SNTG2: variants seen among roughly 807,000 people sequenced by gnomAD.
SNTG2 encodes the protein syntrophin gamma 2.
SNTG2 carries 74 observed loss-of-function variants against 70.9 expected under a neutral mutation model. The observed-to-expected ratio is 1.04, with a 90% CI of 0.86 to 1.27. SNTG2 has a LOEUF of 1.27. Ranked by LOEUF, SNTG2 falls within the 50% of genes most tolerant of loss-of-function variation. SNTG2 has a pLI of 0.00. For missense variants in SNTG2, 717 were observed against 690.7 expected (o/e 1.04, Z -0.43); for synonymous variants, 278 against 273.8 (o/e 1.02, Z -0.15).
intron 1 of SNTG2, among the ~76,000 whole-genome samples, chr2:1,063,865 G>T (rs565321964): frequency 6.6e-6 from 1 of 152,268 alleles, no homozygotes; most frequent in East Asian, 1.9e-4. Flanking sequence ...GAACAGAAGG[G>T]ATATTTGAAC....
At chr2:1,169,318 C>T (rs1342373016) in intron 7 of SNTG2, among the ~76,000 whole-genome samples, 2 of 152,042 alleles carry the variant, frequency 1.3e-5, no homozygotes, top group Non-Finnish European at 2.9e-5. Flanking sequence ...AGGCAGAGGA[C>T]ACTCACCCTG....
At chr2:1,155,186 A>ACACACACG (rs1558465411) in intron 6 of SNTG2, among the ~76,000 whole-genome samples, 2 of 148,676 alleles carry the variant, frequency 1.3e-5, no homozygotes, top group East Asian at 2.0e-4. Context: ...CCCCACACAC[A>ACACACACG]TATATAGACC....
chr2:1,361,837 G>A (rs10200213), intron 16 of SNTG2, among the ~76,000 whole-genome samples: 2 of 55,286 alleles, frequency 3.6e-5, no homozygotes, highest in Non-Finnish European at 7.6e-5. Context: ...TGAAAGTCAC[G>A]GATGCTGAGC....
At chr2:957,082 A>G (rs1660189695) in intron 1 of SNTG2, among the ~76,000 whole-genome samples, 1 of 152,198 alleles carries the variant, frequency 6.6e-6, no homozygotes, top group Non-Finnish European at 1.5e-5. Flanking sequence ...TTATGTACTG[A>G]GAAATATGAA....
intron 8 of SNTG2, among the ~76,000 whole-genome samples, chr2:1,190,203 T>C (rs949572726): frequency 7.2e-5 from 11 of 152,036 alleles, no homozygotes; most frequent in Non-Finnish European, 1.6e-4. Context: ...TAGGACACAC[T>C]GTAGATAACA....
chr2:991,384 C>T (rs73908636), intron 1 of SNTG2, among the ~76,000 whole-genome samples: 1 of 133,378 alleles, frequency 7.5e-6, no homozygotes, highest in Non-Finnish European at 1.6e-5. Flanking sequence ...CACACACACA[C>T]ACACACACAC....
At position 1,259,357 on chromosome 2, in the gene SNTG2, C is replaced by T; in HGVS notation, c.1006-13C>T. On this transcript the variant is annotated splice_polypyrimidine_tract_variant and intron_variant, in intron 12 of 16. Transcript: ENST00000308624. The stretch of plus-strand genomic sequence containing the variant: ...CATGCTGCTTTTCATGGAACGTTCT[C>T]TGTTTCTTGCAGGTGAGCACATTCG... 1.2e-6 allele frequency: 2 copies of T among 1,613,590 alleles called. No homozygotes were observed. The highest frequency in any genetic ancestry group is 1.7e-6 in the Non-Finnish European group (2 of 1,179,680).
At chr2:1,311,461 C>T (rs1680986227) in intron 15 of SNTG2, among the ~76,000 whole-genome samples, 1 of 152,102 alleles carries the variant, frequency 6.6e-6, no homozygotes, top group Admixed American at 6.5e-5. Flanking sequence ...AAAAGCTTTC[C>T]CACCTTAACT....
At chr2:1,250,625 CCTTTCTCTCTGT>C (rs896945303) in intron 12 of SNTG2, among the ~76,000 whole-genome samples, 2 of 151,354 alleles carry the variant, frequency 1.3e-5, no homozygotes, top group Non-Finnish European at 2.9e-5. Flanking sequence ...TCTATCTCTG[CCTTTCTCTCTGT>C]CTCTCCTTCT....
chr2:986,065 AATAG>A (rs1182037485), intron 1 of SNTG2, among the ~76,000 whole-genome samples: 1 of 62,804 alleles, frequency 1.6e-5, no homozygotes, highest in African/African-American at 5.6e-5. Context: ...CCCTGCAAAT[AATAG>A]AGAGAGAGAG....
At chr2:1,005,810 T>A (rs1269114874) in intron 1 of SNTG2, among the ~76,000 whole-genome samples, 1 of 758 alleles carries the variant, frequency 1.3e-3, no homozygotes, top group East Asian at 0.071. Context: ...CCTCAAAATA[T>A]ATATATATAT....
intron 1 of SNTG2, among the ~76,000 whole-genome samples, chr2:1,028,495 C>T (rs1660622161): frequency 6.6e-6 from 1 of 152,234 alleles, no homozygotes; most frequent in African/African-American, 2.4e-5. Flanking sequence ...GAGAAGCTTC[C>T]TTCCTCGGGT....
At chr2:1,298,553 G>A (rs766291054) in intron 14 of SNTG2, among the ~76,000 whole-genome samples, 24 of 152,234 alleles carry the variant, frequency 1.6e-4, no homozygotes, top group Middle Eastern at 3.4e-3. Flanking sequence ...GTCCTCCCCC[G>A]GTCCTGGATG....
intron 15 of SNTG2, among the ~76,000 whole-genome samples, chr2:1,315,931 C>T (rs540865963): frequency 6.6e-6 from 1 of 152,204 alleles, no homozygotes; most frequent in South Asian, 2.1e-4. Flanking sequence ...TGTTTTAAGG[C>T]TGTGTACAGG....
intron 12 of SNTG2, among the ~76,000 whole-genome samples, chr2:1,253,399 T>C (rs745322455): frequency 6.6e-6 from 1 of 152,188 alleles, no homozygotes. Flanking sequence ...CATGGCTGGG[T>C]CACTGCACCA....
intron 2 of SNTG2, among the ~76,000 whole-genome samples, chr2:1,096,333 T>G (rs1216896272): frequency 6.6e-6 from 1 of 152,216 alleles, no homozygotes; most frequent in Admixed American, 6.5e-5. Flanking sequence ...TACCTTTGTT[T>G]TTTGTGGTGA....
At chr2:1,045,623 A>T (rs1306316550) in intron 1 of SNTG2, among the ~76,000 whole-genome samples, 3 of 152,066 alleles carry the variant, frequency 2.0e-5, no homozygotes, top group African/African-American at 7.2e-5. Context: ...TTCTGACTTA[A>T]TTTCATTATT....
chr2:1,170,854 C>G (rs905845977), intron 7 of SNTG2, among the ~76,000 whole-genome samples: 2 of 152,044 alleles, frequency 1.3e-5, no homozygotes, highest in Non-Finnish European at 2.9e-5. Context: ...TCCTTCCCAC[C>G]GAGTGGATGC....
At chr2:1,007,187 C>T (rs1659598319) in intron 1 of SNTG2, among the ~76,000 whole-genome samples, 1 of 152,050 alleles carries the variant, frequency 6.6e-6, no homozygotes, top group South Asian at 2.1e-4. Flanking sequence ...AATCCATCCC[C>T]CACAGATCCC....
Sources: gnomAD v4.1 joint callset for allele counts (sites outside exome capture counted in the v4.1 genomes callset) on GRCh38, gnomAD v4.1.1 for gene constraint, MANE v1.5 for transcripts, NCBI Gene and HGNC (gene_info 2026-07-23, HGNC 2026-07-21) for gene names.